Variants in SH3D19 observed in about 807,000 individuals in gnomAD.
SH3D19 encodes SH3 domain-containing protein 19.
A neutral mutation model predicts 112.1 loss-of-function variants in SH3D19; 58 were observed. That is an observed-to-expected ratio of 0.52 (90% CI 0.42 to 0.64). The LOEUF (loss-of-function observed/expected upper bound fraction) is 0.64, where lower values mean the gene tolerates loss of function less well. Ranked by LOEUF, SH3D19 falls within the 30% of genes least tolerant of loss-of-function variation. The pLI is 0.00. For synonymous variants in SH3D19, 391 were observed against 448.5 expected (o/e 0.87, Z 1.62); for missense variants, 1,090 against 1,263.4 (o/e 0.86, Z 2.08).
At chr4:151,279,514 G>GA (rs1773981435) in intron 1 of SH3D19, among the ~76,000 whole-genome samples, 1 of 152,320 alleles carries the variant, frequency 6.6e-6, no homozygotes, top group East Asian at 1.9e-4. Flanking sequence ...TCTGTTCAGT[G>GA]AATCTAGATA....
intron 1 of SH3D19, among the ~76,000 whole-genome samples, chr4:151,275,094 T>TC (rs1054418389): frequency 3.4e-4 from 52 of 151,974 alleles, no homozygotes; most frequent in Non-Finnish European, 7.4e-5. Flanking sequence ...AAGATACGTT[T>TC]TTTTTTTTTT....
intron 1 of SH3D19, among the ~76,000 whole-genome samples, chr4:151,286,335 G>GA (rs200039550): frequency 2.8e-5 from 4 of 145,214 alleles, no homozygotes; most frequent in African/African-American, 7.6e-5. Context: ...CAATAAAATT[G>GA]AAAAAAAACT....
At chr4:151,165,894 T>C (rs1028160340) in intron 7 of SH3D19, 198 bp from the exon 8 acceptor site, 27 of 518,686 alleles carry the variant, frequency 5.2e-5, no homozygotes, top group Non-Finnish European at 8.9e-5. Flanking sequence ...AAATAATTCA[T>C]GCGGCTTTTC....
chr4:151,153,186 G>T (rs1182134814), intron 9 of SH3D19, among the ~76,000 whole-genome samples: 4 of 152,070 alleles, frequency 2.6e-5, no homozygotes, highest in African/African-American at 4.8e-5. Context: ...ACTCTTGTCT[G>T]CTGGAATTAC....
At chr4:151,250,200 T>C (rs1176946352) in intron 1 of SH3D19, among the ~76,000 whole-genome samples, 1 of 152,154 alleles carries the variant, frequency 6.6e-6, no homozygotes, top group Non-Finnish European at 1.5e-5. Flanking sequence ...TACTGAAGCA[T>C]AATTTATAAC....
chr4:151,242,399 G>C (rs1561394935), intron 1 of SH3D19, among the ~76,000 whole-genome samples: 2 of 152,110 alleles, frequency 1.3e-5, no homozygotes, highest in African/African-American at 2.4e-5. Context: ...CCTACAATGA[G>C]TCCTATTTTA....
chr4:151,162,532 C>T (rs555567833), intron 8 of SH3D19, among the ~76,000 whole-genome samples: 2 of 151,140 alleles, frequency 1.3e-5, no homozygotes, highest in Non-Finnish European at 2.9e-5. Context: ...TACAAGTGTG[C>T]AGAAAAAGTA....
chr4:151,217,669 T>C (rs11099793), intron 2 of SH3D19, among the ~76,000 whole-genome samples: 111,363 of 151,976 alleles, frequency 0.73, 43,934 homozygotes, highest in Non-Finnish European at 0.89. Flanking sequence ...AAAAAATCTA[T>C]CTTGGAAGAA....
At chr4:151,213,542 G>A (rs1252519788) in intron 2 of SH3D19, among the ~76,000 whole-genome samples, 2 of 152,042 alleles carry the variant, frequency 1.3e-5, no homozygotes, top group African/African-American at 2.4e-5. Flanking sequence ...CTACTTGGGA[G>A]GCTGAGGTGG....
chr4:151,302,856 C>T lies in SH3D19; in HGVS notation c.112+22385G>A, dbSNP rs1019418244. Among the ~76,000 whole-genome samples, 14 of 122,964 alleles carry T rather than the reference C, an allele frequency of 1.1e-4. No individual in the cohort carries two copies. In the Admixed American group the frequency reaches 1.1e-3, roughly 10 times the overall value. 80.7% of individuals were successfully genotyped at this position (122,964 alleles called of 152,430 possible). On this transcript the variant is annotated intron_variant, in intron 1 of 19. Transcript: ENST00000604030. Reference sequence around the variant, plus strand: ...ACACAGGGTGGGGAACATCACACACCGGGGCCTGTCGTGGGGTGGGGGAAG... The same window carrying T: ...ACACAGGGTGGGGAACATCACACACTGGGGCCTGTCGTGGGGTGGGGGAAG...
chr4:151,179,495 G>T, intron 3 of SH3D19, 98 bp from the exon 4 acceptor site: 1 of 536,504 alleles, frequency 1.9e-6, no homozygotes, highest in Non-Finnish European at 2.8e-6. Flanking sequence ...GCTTATACTT[G>T]ACATCATATA....
intron 2 of SH3D19, among the ~76,000 whole-genome samples, chr4:151,207,213 G>A (rs568353411): frequency 2.1e-4 from 32 of 152,136 alleles, no homozygotes; most frequent in Admixed American, 7.2e-4. Flanking sequence ...CCACCTCATC[G>A]TTCAAAGCTA....
At chr4:151,191,648 CT>C (rs912646013) in intron 2 of SH3D19, among the ~76,000 whole-genome samples, 54 of 149,622 alleles carry the variant, frequency 3.6e-4, no homozygotes, top group Non-Finnish European at 3.0e-4. Flanking sequence ...AGAATCTGTT[CT>C]TTTTTTTTTC....
chr4:151,139,911 C>CTT (rs2149758218), intron 12 of SH3D19, 64 bp from the exon 13 acceptor site: 1 of 1,512,508 alleles, frequency 6.6e-7, no homozygotes, highest in East Asian at 2.3e-5. Context: ...ATTATTCACT[C>CTT]TGAGACCAAT....
chr4:151,149,218 C>A (rs922327626), intron 10 of SH3D19, among the ~76,000 whole-genome samples: 1 of 151,850 alleles, frequency 6.6e-6, no homozygotes, highest in African/African-American at 2.4e-5. Context: ...TGCATGTATA[C>A]GTATATTCTA....
At chr4:151,283,214 A>G in intron 1 of SH3D19, 1 of 1,613,900 alleles carries the variant, frequency 6.2e-7, no homozygotes, top group Non-Finnish European at 8.5e-7. Context: ...TCTTCTTGCC[A>G]GCACTGGAGC....
At chr4:151,127,922 T>C (rs1749769170) in intron 18 of SH3D19, among the ~76,000 whole-genome samples, 1 of 152,226 alleles carries the variant, frequency 6.6e-6, no homozygotes, top group African/African-American at 2.4e-5. Context: ...ACAATGTTCT[T>C]TTAGCAGGGA....
chr4:151,145,501 T>C (rs989315955), intron 11 of SH3D19, among the ~76,000 whole-genome samples: 1 of 152,176 alleles, frequency 6.6e-6, no homozygotes, highest in Non-Finnish European at 1.5e-5. Context: ...ACAACCCCCT[T>C]TAACTGCAAT....
chr4:151,258,159 T>C (rs10520104), intron 1 of SH3D19, among the ~76,000 whole-genome samples: 13,779 of 152,214 alleles, frequency 0.091, 765 homozygotes, highest in East Asian at 0.21. Flanking sequence ...CAGTTCCCTA[T>C]AGATCCTGTT....
Sources: gnomAD v4.1 joint callset for allele counts (sites outside exome capture counted in the v4.1 genomes callset) on GRCh38, gnomAD v4.1.1 for gene constraint, MANE v1.5 for transcripts, NCBI Gene and HGNC (gene_info 2026-07-23, HGNC 2026-07-21) for gene names.